Variants in AZIN2 observed in about 807,000 individuals in gnomAD.
AZIN2 encodes the protein antizyme inhibitor 2, also known as ODC antizyme inhibitor-2.
Under a neutral mutation model 47.8 loss-of-function variants are expected in AZIN2, and 28 were observed. That is an observed-to-expected ratio of 0.59 (90% CI 0.43 to 0.80). The LOEUF is 0.80. AZIN2 is among the 30% of genes least tolerant of loss of function. The pLI is 0.00. For synonymous variants in AZIN2, 221 were observed against 239.4 expected (o/e 0.92, Z 0.71); for missense variants, 535 against 582.5 (o/e 0.92, Z 0.84).
At chr1:33,110,584 T>C (rs938538013) in intron 10 of AZIN2, among the ~76,000 whole-genome samples, 1 of 152,088 alleles carries the variant, frequency 6.6e-6, no homozygotes, top group African/African-American at 2.4e-5. Flanking sequence ...ATGAAAAATA[T>C]GAAAATTGAA....
At chr1:33,093,991 C>A (rs1569991044) in intron 7 of AZIN2, among the ~76,000 whole-genome samples, 1 of 152,242 alleles carries the variant, frequency 6.6e-6, no homozygotes, top group South Asian at 2.1e-4. Flanking sequence ...CCTTGGCCTC[C>A]CAAAGTGCTG....
intron 5 of AZIN2, among the ~76,000 whole-genome samples, chr1:33,088,317 C>T (rs1569915756): frequency 6.6e-6 from 1 of 152,138 alleles, no homozygotes; most frequent in East Asian, 1.9e-4. Context: ...GTCCTCATCA[C>T]CACATGCAAT....
chr1:33,137,733 ACCCTC>A, the AZIN2 span, among the ~76,000 whole-genome samples: 1 of 151,954 alleles, frequency 6.6e-6, no homozygotes, highest in Non-Finnish European at 1.5e-5. Context: ...GTGGCTCAGC[ACCCTC>A]CTTGGCCCAC....
At chr1:33,149,301 C>T in the AZIN2 span, among the ~76,000 whole-genome samples, 4 of 152,078 alleles carry the variant, frequency 2.6e-5, no homozygotes, top group East Asian at 5.8e-4. Flanking sequence ...TATAGGCACG[C>T]GCCACCACGC....
chr1:33,124,920 T>C (rs1644846288), downstream of AZIN2, among the ~76,000 whole-genome samples: 1 of 152,224 alleles, frequency 6.6e-6, no homozygotes, highest in South Asian at 2.1e-4. The surrounding 1 kb of genome is among the most constrained non-coding windows in gnomAD (Gnocchi z 4.6). Context: ...CAGTCTATCA[T>C]TGATGGACAT....
At chr1:33,092,554 G>A (rs759972147) in intron 6 of AZIN2, among the ~76,000 whole-genome samples, 1 of 152,206 alleles carries the variant, frequency 6.6e-6, no homozygotes. Flanking sequence ...TGAGAGAGTC[G>A]AGGGAGTGGT....
At chr1:33,148,206 G>A in the AZIN2 span, among the ~76,000 whole-genome samples, 16 of 152,130 alleles carry the variant, frequency 1.1e-4, no homozygotes, top group Non-Finnish European at 2.4e-4. Context: ...TTCTGCAAAG[G>A]GAAGTTCTGC....
In AZIN2 at chr1:33,121,983, A is replaced by C. The variant is rs2124682287; in HGVS notation, c.*1801A>C. Among the ~76,000 whole-genome samples the C allele has an allele frequency of 6.6e-6, 1 of 152,310 alleles. No homozygotes were observed. Among genetic ancestry groups the C allele is most frequent in the East Asian group, 1.9e-4 (1 of 5,190 alleles). Reference sequence around the variant, plus strand: ...CTAGTTTTCGGTATCTTGACAATAAATAGGCTGAAAGCTTGGGACATCAAA... The same window carrying C: ...CTAGTTTTCGGTATCTTGACAATAACTAGGCTGAAAGCTTGGGACATCAAA... On this transcript the variant is annotated 3_prime_UTR_variant, in exon 12 of 12. Coordinates refer to ENST00000294517, the MANE Select transcript of AZIN2 (RefSeq NM_052998.4).
downstream of AZIN2, among the ~76,000 whole-genome samples, chr1:33,124,091 G>C (rs1227369091): frequency 6.6e-6 from 1 of 152,166 alleles, no homozygotes; most frequent in African/African-American, 2.4e-5. The surrounding 1 kb of genome is among the most constrained non-coding windows in gnomAD (Gnocchi z 4.6). Context: ...ACTTGAACCT[G>C]GGAGGCGGAG....
the AZIN2 span, among the ~76,000 whole-genome samples, chr1:33,149,820 T>C: frequency 6.6e-6 from 1 of 152,300 alleles, no homozygotes; most frequent in Non-Finnish European, 1.5e-5. Context: ...TGATCACATT[T>C]TGCCCTATTT....
chr1:33,136,289 CCTTTCTTTCTTTTTCTTT>C, the AZIN2 span, among the ~76,000 whole-genome samples: 4,859 of 149,530 alleles, frequency 0.032, 120 homozygotes, highest in Non-Finnish European at 0.053. Context: ...CTCTTCCTTT[CCTTTCTTTCTTTTTCTTT>C]CTTTCTTTCT....
At chr1:33,162,018 T>G in the AZIN2 span, among the ~76,000 whole-genome samples, 51 of 152,120 alleles carry the variant, frequency 3.4e-4, no homozygotes, top group African/African-American at 1.0e-3. Flanking sequence ...GCCACACCCA[T>G]TTTTCCAACA....
At chr1:33,087,282 T>C (rs138288271) in intron 5 of AZIN2, among the ~76,000 whole-genome samples, 4,011 of 151,686 alleles carry the variant, frequency 0.026, 188 homozygotes, top group African/African-American at 0.091. Flanking sequence ...TACAGGCATG[T>C]GCCACGATGC....
At chr1:33,114,913 G>A (rs1332942711) in intron 10 of AZIN2, among the ~76,000 whole-genome samples, 1 of 152,188 alleles carries the variant, frequency 6.6e-6, no homozygotes, top group Non-Finnish European at 1.5e-5. Flanking sequence ...AAAGTGCTGG[G>A]ATTACAGGCG....
chr1:33,136,172 TTCCC>T, the AZIN2 span, among the ~76,000 whole-genome samples: 2 of 110,070 alleles, frequency 1.8e-5, no homozygotes, highest in Admixed American at 8.7e-5. Flanking sequence ...CCTTCCTTCC[TTCCC>T]TCCCTCTCTC....
chr1:33,116,266 A>G (rs1041633524), intron 10 of AZIN2, among the ~76,000 whole-genome samples: 1 of 152,130 alleles, frequency 6.6e-6, no homozygotes. Flanking sequence ...TAATGTACAT[A>G]TTTTTCTTTA....
At chr1:33,149,389 A>G in the AZIN2 span, among the ~76,000 whole-genome samples, 3 of 151,794 alleles carry the variant, frequency 2.0e-5, no homozygotes, top group Non-Finnish European at 2.9e-5. Flanking sequence ...CCTGGCCTCA[A>G]GTGATCTGCC....
intron 5 of AZIN2, among the ~76,000 whole-genome samples, chr1:33,085,097 C>G (rs1416667911): frequency 6.6e-6 from 1 of 151,984 alleles, no homozygotes; most frequent in African/African-American, 2.4e-5. Context: ...CTAAGTAGAG[C>G]TGAAAGTATC....
chr1:33,096,747 C>T lies in AZIN2; in HGVS notation c.794C>T (p.Pro265Leu). 1 of 1,614,230 alleles carries T rather than the reference C, an allele frequency of 6.2e-7. No homozygotes were observed. The highest frequency in any genetic ancestry group is 1.1e-5 in the South Asian group (1 of 91,086). ...VINSALDLYFPEGCGVDIFAE... is the reference protein window; with the variant it reads ...VINSALDLYFLEGCGVDIFAE... ...AACTCAGCCTTGGACCTGTACTTCC[C>T]AGAGGGCTGTGGCGTGGACATCTTT... The change falls in exon 9 of 12, where the codon CCA (proline) becomes CTA (leucine). Residue 265 changes from proline to leucine, a missense_variant. By Grantham distance (98) the Pro-to-Leu change is moderately conservative. Coordinates refer to ENST00000294517, the MANE Select transcript of AZIN2 (RefSeq NM_052998.4).
Sources: allele counts gnomAD v4.1 joint callset (sites outside exome capture counted in the v4.1 genomes callset), GRCh38; gene constraint gnomAD v4.1.1; non-coding constraint Gnocchi (gnomAD v3.1); transcripts MANE v1.5; gene names NCBI Gene and HGNC (gene_info 2026-07-23, HGNC 2026-07-21).